The following MYH14 variants were observed in gnomAD, a reference collection of about 807,000 sequenced individuals.
The protein encoded by MYH14 is myosin-14.
Under a neutral mutation model 255.5 loss-of-function variants are expected in MYH14, and 123 were observed. The ratio of observed to expected loss-of-function variants is 0.48; its 90% CI spans 0.42 to 0.56. The LOEUF is 0.56. Among genes scored for constraint, MYH14 ranks in the 20% least tolerant of loss-of-function variants. The pLI, the probability that MYH14 is intolerant of heterozygous loss-of-function variation, is 0.00. For synonymous variants in MYH14, 1,095 were observed against 1,161.2 expected, an observed-to-expected ratio of 0.94 and a Z score of 1.16; for missense variants, 2,423 against 2,802.3, an observed-to-expected ratio of 0.86 and a Z score of 3.06.
intron 36 of MYH14, 103 bp downstream of exon 36, chr19:50,291,151 C>T: frequency 8.7e-7 from 1 of 1,148,910 alleles, no homozygotes; most frequent in Non-Finnish European, 1.2e-6. Flanking sequence ...GCTCTCAACC[C>T]ACAGGCAGCA....
chr19:50,217,203 G>A (rs2032528956), intron 2 of MYH14, among the ~76,000 whole-genome samples: 2 of 152,178 alleles, frequency 1.3e-5, no homozygotes, highest in African/African-American at 2.4e-5. Context: ...ACAGTCCCAT[G>A]TCTATACATA....
At chr19:50,247,362 G>A (rs1233272569) in intron 12 of MYH14, among the ~76,000 whole-genome samples, 1 of 152,046 alleles carries the variant, frequency 6.6e-6, no homozygotes, top group Non-Finnish European at 1.5e-5. Context: ...GATGTGTCTG[G>A]GAGTGGTGGC....
chr19:50,306,978 G>A, intron 40 of MYH14, 71 bp from the exon 41 acceptor site: 1 of 1,109,646 alleles, frequency 9.0e-7, no homozygotes, highest in Non-Finnish European at 1.3e-6. Flanking sequence ...GACAGCCACT[G>A]CATGAGTCTA....
chr19:50,281,493 T>G, intron 32 of MYH14, 101 bp from the exon 33 acceptor site: 1 of 1,491,206 alleles, frequency 6.7e-7, no homozygotes, highest in East Asian at 2.3e-5. Context: ...CTTTCCCTCT[T>G]CAGGCCTCAG....
At chr19:50,219,373 A>C (rs2032687842) in intron 3 of MYH14, among the ~76,000 whole-genome samples, 1 of 151,942 alleles carries the variant, frequency 6.6e-6, no homozygotes, top group Non-Finnish European at 1.5e-5. Context: ...TGTTTTCCAT[A>C]ATTAAAAAAT....
intron 2 of MYH14, among the ~76,000 whole-genome samples, chr19:50,217,088 C>T (rs1173961846): frequency 6.6e-6 from 1 of 151,950 alleles, no homozygotes; most frequent in African/African-American, 2.4e-5. Flanking sequence ...GGATTGCAGG[C>T]GTGAGCCACC....
Position 50,293,686 on chromosome 19 carries a change from A to G in MYH14, c.5468A>G (p.Gln1823Arg), listed in dbSNP as rs1356815863. 3.2e-6 allele frequency: 5 copies of G among 1,570,956 alleles called. No homozygotes were observed. The South Asian group carries it at 6.0e-5, about 19-fold the overall frequency. ...LNDRYRKLLL[Q>R]VESLTTELSA... ...GACCGCTACCGCAAGCTGCTCCTGC[A>G]GGTGAGCGTGATTGACCGCCCCCAC... is the stretch of plus-strand genomic sequence containing the variant. Residue 1823 changes from glutamine to arginine, a missense_variant and splice_region_variant, in exon 39 of 43, where the codon CAG becomes CGG. Around this residue, in one of 3 missense-constraint regions of MYH14, gnomAD observed 1,513 missense variants for 1,674.8 expected, o/e 0.90. Coordinates refer to ENST00000642316, the MANE Select transcript of MYH14 (RefSeq NM_001145809.2). This position sits in a 1 kb window ranked among gnomAD's most constrained non-coding sequence, Gnocchi z 4.1.
At chr19:50,240,485 T>A (rs2033848464) in intron 10 of MYH14, among the ~76,000 whole-genome samples, 1 of 152,072 alleles carries the variant, frequency 6.6e-6, no homozygotes, top group Non-Finnish European at 1.5e-5. Flanking sequence ...AAGGCTGTGG[T>A]GAGAGGATCG....
In MYH14 at chr19:50,275,988, C is replaced by T. The variant is rs78192108; in HGVS notation, c.3468-3C>T. On this transcript the variant is annotated splice_region_variant and splice_polypyrimidine_tract_variant and intron_variant, in intron 27 of 42. Transcript: ENST00000642316. ...TCAACTCCACGGTTCTTGTCACCCC[C>T]AGGGCAGAAGACGAGGGTGGGGCCC... 0.022 allele frequency: 36,230 copies of T among 1,611,082 alleles called. 503 individuals carry two copies. Among genetic ancestry groups the T allele is most frequent in the Non-Finnish European group, 0.026 (30,924 of 1,178,434 alleles).
At chr19:50,267,031 TG>T in intron 23 of MYH14, 23 bp downstream of exon 23, 1 of 1,129,024 alleles carries the variant, frequency 8.9e-7, no homozygotes, top group Non-Finnish European at 1.1e-6. Flanking sequence ...GGGCAGGGCG[TG>T]GGGGCGTGTC....
intron 41 of MYH14, chr19:50,308,408 C>T (rs2036725577): frequency 6.6e-6 from 1 of 152,300 alleles, no homozygotes; most frequent in African/African-American, 2.4e-5. Flanking sequence ...GTCATTGATT[C>T]CAACCCTCTG....
chr19:50,264,370 C>A (rs1335504306), intron 22 of MYH14, among the ~76,000 whole-genome samples: 1 of 152,152 alleles, frequency 6.6e-6, no homozygotes, highest in Non-Finnish European at 1.5e-5. Flanking sequence ...TGGCCCAGGG[C>A]CCCCACCACA....
chr19:50,305,655 C>A (rs1310796445), intron 40 of MYH14, among the ~76,000 whole-genome samples: 1 of 152,074 alleles, frequency 6.6e-6, no homozygotes, highest in African/African-American at 2.4e-5. Context: ...GCACCAGGTG[C>A]AGTGGCTCAT....
intron 20 of MYH14, among the ~76,000 whole-genome samples, 183 bp downstream of exon 20, chr19:50,260,898 T>TGC (rs1568511035): frequency 6.6e-6 from 1 of 151,664 alleles, no homozygotes; most frequent in African/African-American, 2.4e-5. Context: ...TGTGTGTGTG[T>TGC]GCATGCGTTT....
chr19:50,270,702 AT>A (rs11366653), intron 24 of MYH14, among the ~76,000 whole-genome samples: 129,937 of 146,838 alleles, frequency 0.88, 57,476 homozygotes, highest in East Asian at 0.96. Context: ...TTATTTATTT[AT>A]TTTTTTTTTG....
chr19:50,305,881 A>G (rs1458840902), intron 40 of MYH14, among the ~76,000 whole-genome samples: 1 of 152,194 alleles, frequency 6.6e-6, no homozygotes, highest in African/African-American at 2.4e-5. Context: ...GCAGTGAGCC[A>G]TGATCACACC....
chr19:50,295,035 G>A (rs140396518), intron 39 of MYH14, among the ~76,000 whole-genome samples: 2,520 of 149,148 alleles, frequency 0.017, 81 homozygotes, highest in African/African-American at 0.059. Context: ...TTAAAAACAG[G>A]CCAGGTGTGG....
chr19:50,266,944 A>C lies in MYH14; in HGVS notation c.2762A>C (p.Lys921Thr), dbSNP rs2035104459. The C allele has an allele frequency of 6.4e-7, 1 of 1,558,954 alleles. No individual in the cohort carries two copies. The highest frequency in any genetic ancestry group is 1.4e-5 in the African/African-American group (1 of 73,684). Residue 921 changes from lysine (K) to threonine (T), a missense_variant, in exon 23 of 43, where the codon AAA becomes ACA. This residue lies in a region of MYH14 where 1,513 missense variants were observed against 1,674.8 expected (regional missense o/e 0.90). Transcript: ENST00000642316. This position sits in a 1 kb window ranked among gnomAD's most constrained non-coding sequence, Gnocchi z 4.1. ...CAGGCACGGGCCCAGGAGCTGCAGA[A>C]AGTGCAGGAGCTACAGCAGCAGAGC... ...VLQARAQELQKVQELQQQSAR... is the reference protein window; with the variant it reads ...VLQARAQELQTVQELQQQSAR...
chr19:50,248,059 CA>C (rs10588130), intron 12 of MYH14, among the ~76,000 whole-genome samples: 7,881 of 106,516 alleles, frequency 0.074, 230 homozygotes, highest in Admixed American at 0.13. Context: ...GACTCTGTCT[CA>C]AAAAAAAAAA....
Sources: gnomAD v4.1 joint callset for allele counts (sites outside exome capture counted in the v4.1 genomes callset) on GRCh38, gnomAD v4.1.1 for gene constraint, gnomAD v4.1.1 regional missense constraint, Gnocchi (gnomAD v3.1) non-coding constraint, MANE v1.5 for transcripts, NCBI Gene and HGNC (gene_info 2026-07-23, HGNC 2026-07-21) for gene names.